FCRL2: variants seen among roughly 807,000 people sequenced by gnomAD.
The protein encoded by FCRL2 is Fc receptor like 2.
A neutral mutation model predicts 59.8 loss-of-function variants in FCRL2; 48 were observed. That is an observed-to-expected ratio of 0.80 (90% CI 0.64 to 1.02). FCRL2 has a LOEUF of 1.02. Ranked by LOEUF, FCRL2 falls within the 50% of genes least tolerant of loss-of-function variation. The pLI, the probability that FCRL2 is intolerant of heterozygous loss-of-function variation, is 0.00. For synonymous variants in FCRL2, 251 were observed against 229.5 expected, an observed-to-expected ratio of 1.09 and a Z score of -0.85; for missense variants, 658 against 597.3, an observed-to-expected ratio of 1.10 and a Z score of -1.06.
chr1:157,757,287 G>T (rs1032604058), intron 7 of FCRL2, among the ~76,000 whole-genome samples: 2 of 152,166 alleles, frequency 1.3e-5, no homozygotes, highest in African/African-American at 4.8e-5. Flanking sequence ...AATGCCAAAT[G>T]TGATTACAGT....
At chr1:157,755,278 G>C (rs1456419660) in intron 7 of FCRL2, among the ~76,000 whole-genome samples, 1 of 152,038 alleles carries the variant, frequency 6.6e-6, no homozygotes, top group East Asian at 1.9e-4. Flanking sequence ...TGTGAACAAA[G>C]AGCTCACCAT....
At chr1:157,760,634 G>T (rs1202592702) in intron 7 of FCRL2, among the ~76,000 whole-genome samples, 1 of 137,720 alleles carries the variant, frequency 7.3e-6, no homozygotes, top group African/African-American at 2.8e-5. Context: ...CAAAAAGAAA[G>T]AAAGAAAAGA....
In FCRL2 at chr1:157,748,566, C is replaced by T. The variant is rs1268239986; in HGVS notation, c.1446G>A (p.Gln482=). 3 of 1,613,666 alleles carry T rather than the reference C, an allele frequency of 1.9e-6. No homozygotes were observed. Among genetic ancestry groups the T allele is most frequent in the Non-Finnish European group, 2.5e-6 (3 of 1,179,750 alleles). The change falls in exon 10 of 12, where the codon CAG becomes CAA. Residue 482 remains glutamine (Q), a synonymous_variant. Transcript: ENST00000361516. ...GCAGTTTCTCACCTGAGCTTTCTGG[C>T]TGCTGCATGCTCCAGACCTGAGAAT... The part of the protein sequence containing the change: ...VVYSQVWSMQ[Q]PESSANIRTL...
At chr1:157,758,680 C>CAAAAAAAAAAA (rs59716565) in intron 7 of FCRL2, among the ~76,000 whole-genome samples, 9 of 55,396 alleles carry the variant, frequency 1.6e-4, no homozygotes, top group Admixed American at 2.3e-4. Flanking sequence ...CAGTCCCAAG[C>CAAAAAAAAAAA]AAAAAAAAAA....
At chr1:157,764,796 TA>T (rs1649372780) in intron 7 of FCRL2, among the ~76,000 whole-genome samples, 1 of 152,134 alleles carries the variant, frequency 6.6e-6, no homozygotes, top group Non-Finnish European at 1.5e-5. Context: ...CGTAACATAC[TA>T]AAACCTGTGG....
At position 157,748,618 on chromosome 1, in the gene FCRL2, A is replaced by C. The variant is rs1038636761; in HGVS notation, c.1394T>G (p.Val465Gly). 1.2e-6 allele frequency: 2 copies of C among 1,613,680 alleles called. No individual in the cohort carries two copies. Among genetic ancestry groups the C allele is most frequent in the African/African-American group, 1.3e-5 (1 of 74,914 alleles). The change falls in exon 10 of 12, where the codon GTG becomes GGG. Residue 465 changes from valine (V) to glycine (G), a missense_variant and splice_region_variant. Coordinates refer to ENST00000361516, the MANE Select transcript of FCRL2 (RefSeq NM_030764.4). The part of the protein sequence containing the change: ...MEELQPVYVN[V>G]GSVDVDVVYS... ...AACCACATCCACATCTACAGAGCCC[A>C]CTGCAGGGAGAAGACAAGAGTTCAC...
At chr1:157,770,931 G>T (rs1043735940) in intron 2 of FCRL2, among the ~76,000 whole-genome samples, 1 of 152,194 alleles carries the variant, frequency 6.6e-6, no homozygotes, top group Non-Finnish European at 1.5e-5. Context: ...GAAAGTCTGA[G>T]GTCAGGGTGC....
chr1:157,769,978 C>T lies in FCRL2; in HGVS notation c.483G>A (p.Glu161=), dbSNP rs1475661811. The stretch of plus-strand genomic sequence containing the variant: ...CACTCCACACGGCAGAAATCTGGAG[C>T]TCCGGAGAGCTGCTCCAGCCTGACC... ...VLGSGWSSSP[E]LQISAVWSED... is the part of the protein sequence containing the mutation. The change falls in exon 4 of 12, where the codon GAG becomes GAA. Residue 161 remains glutamate, a synonymous_variant. Transcript: ENST00000361516. 1 of 1,614,086 alleles carries T rather than the reference C, an allele frequency of 6.2e-7. No homozygotes were observed. The highest frequency in any genetic ancestry group is 1.3e-5 in the African/African-American group (1 of 74,940).
At chr1:157,767,093 C>T (rs1649552753) in intron 6 of FCRL2, 122 bp from the exon 7 acceptor site, 1 of 1,327,380 alleles carries the variant, frequency 7.5e-7, no homozygotes, top group East Asian at 2.3e-5. Context: ...AGTCTGTACT[C>T]TTCAGGTTAG....
intron 8 of FCRL2, among the ~76,000 whole-genome samples, 171 bp downstream of exon 8, chr1:157,749,479 G>A (rs745386434): frequency 6.6e-6 from 1 of 152,152 alleles, no homozygotes; most frequent in Admixed American, 6.5e-5. Context: ...CCTTAAGACA[G>A]TGCCCTGGTG....
chr1:157,773,804 G>C (rs952744230), intron 2 of FCRL2, among the ~76,000 whole-genome samples: 1 of 152,312 alleles, frequency 6.6e-6, no homozygotes, highest in Admixed American at 6.5e-5. Flanking sequence ...AAGTCCCAAA[G>C]CTGACTTGTT....
At chr1:157,774,569 C>G (rs1005453415) in intron 2 of FCRL2, 10 of 422,390 alleles carry the variant, frequency 2.4e-5, no homozygotes, top group Non-Finnish European at 4.2e-5. Context: ...TCTGAATGGT[C>G]GTAGGTGATT....
chr1:157,758,828 G>A (rs1648802863), intron 7 of FCRL2, among the ~76,000 whole-genome samples: 1 of 152,040 alleles, frequency 6.6e-6, no homozygotes, highest in African/African-American at 2.4e-5. Context: ...CACAAGCAAT[G>A]GGGAAAGGAC....
chr1:157,757,162 T>C (rs935142125), intron 7 of FCRL2, among the ~76,000 whole-genome samples: 1 of 152,234 alleles, frequency 6.6e-6, no homozygotes, highest in Non-Finnish European at 1.5e-5. Context: ...ATGGGACTTT[T>C]TGATCAATAA....
intron 2 of FCRL2, among the ~76,000 whole-genome samples, chr1:157,771,173 TACAA>T (rs1485608824): frequency 6.6e-6 from 1 of 152,192 alleles, no homozygotes; most frequent in Non-Finnish European, 1.5e-5. Flanking sequence ...TTGAGGGAGA[TACAA>T]ACATTCAGTC....
At chr1:157,751,560 C>T (rs184547664) in intron 7 of FCRL2, among the ~76,000 whole-genome samples, 6 of 152,266 alleles carry the variant, frequency 3.9e-5, no homozygotes, top group Admixed American at 3.9e-4. Context: ...CGGTCATCTG[C>T]CTGAGGCAGG....
intron 5 of FCRL2, 111 bp downstream of exon 5, chr1:157,768,303 G>A (rs1460508993): frequency 8.9e-7 from 1 of 1,118,578 alleles, no homozygotes; most frequent in African/African-American, 1.6e-5. Context: ...AATTGCTTTT[G>A]GTTCTCCACA....
At chr1:157,766,770 C>T (rs765687277) in intron 7 of FCRL2, 85 bp downstream of exon 7, 8 of 1,575,340 alleles carry the variant, frequency 5.1e-6, no homozygotes, top group Non-Finnish European at 6.9e-6. Context: ...GTTTTCTTTT[C>T]TCTCTTCTTT....
chr1:157,761,639 T>C (rs567757169), intron 7 of FCRL2, among the ~76,000 whole-genome samples: 57 of 152,228 alleles, frequency 3.7e-4, no homozygotes, highest in African/African-American at 1.3e-3. Context: ...AAAATAACTT[T>C]TGATAATTAC....
Sources: gnomAD v4.1 joint callset for allele counts (sites outside exome capture counted in the v4.1 genomes callset) on GRCh38, gnomAD v4.1.1 for gene constraint, MANE v1.5 for transcripts, NCBI Gene and HGNC (gene_info 2026-07-23, HGNC 2026-07-21) for gene names.